The following GRIK2 variants were observed in gnomAD, a reference collection of about 807,000 sequenced individuals.
The protein encoded by GRIK2 is glutamate ionotropic receptor kainate type subunit 2.
GRIK2 carries 32 observed loss-of-function variants against 100.3 expected under a neutral mutation model. The observed-to-expected ratio is 0.32, with a 90% confidence interval of 0.24 to 0.43. GRIK2 has a LOEUF of 0.43. Among genes scored for constraint, GRIK2 ranks in the 20% least tolerant of loss-of-function variants. The probability of loss-of-function intolerance (pLI) is 1.00; values close to 1 mark genes in which losing one functional copy is unlikely to be tolerated. For synonymous variants in GRIK2, 417 were observed against 389.4 expected, an observed-to-expected ratio of 1.07 and a Z score of -0.83; for missense variants, 843 against 1,114.9, an observed-to-expected ratio of 0.76 and a Z score of 3.47.
intron 7 of GRIK2, among the ~76,000 whole-genome samples, chr6:101,786,790 T>G (rs995037847): frequency 5.9e-5 from 9 of 152,136 alleles, no homozygotes; most frequent in Non-Finnish European, 1.3e-4. Flanking sequence ...TTGTTGCTGT[T>G]GTGTCCTTGT....
At chr6:101,548,234 G>A (rs1167948108) in intron 2 of GRIK2, among the ~76,000 whole-genome samples, 2 of 152,112 alleles carry the variant, frequency 1.3e-5, no homozygotes, top group Non-Finnish European at 2.9e-5. Flanking sequence ...TTTATCAGAT[G>A]AGTAGATTGC....
intron 2 of GRIK2, among the ~76,000 whole-genome samples, chr6:101,604,655 T>C (rs1779365568): frequency 6.6e-6 from 1 of 151,904 alleles, no homozygotes; most frequent in Admixed American, 6.6e-5. Flanking sequence ...TTTGAAGGGC[T>C]GTTAGAAGAC....
At chr6:101,492,308 G>C (rs1041303142) in intron 2 of GRIK2, among the ~76,000 whole-genome samples, 1 of 151,480 alleles carries the variant, frequency 6.6e-6, no homozygotes, top group Non-Finnish European at 1.5e-5. Context: ...TCATCAATTG[G>C]GAATAAACCA....
intron 15 of GRIK2, among the ~76,000 whole-genome samples, chr6:102,052,860 G>A (rs1048927626): frequency 6.6e-6 from 1 of 152,030 alleles, no homozygotes; most frequent in African/African-American, 2.4e-5. Context: ...CAGGTGGATT[G>A]CTTGAGCTCA....
intron 5 of GRIK2, among the ~76,000 whole-genome samples, chr6:101,681,014 C>G (rs1771204092): frequency 6.6e-6 from 1 of 152,202 alleles, no homozygotes; most frequent in Non-Finnish European, 1.5e-5. Flanking sequence ...AAATTTTTCA[C>G]AAATATCTAT....
At chr6:101,851,340 G>C (rs1203803653) in intron 10 of GRIK2, among the ~76,000 whole-genome samples, 2 of 151,928 alleles carry the variant, frequency 1.3e-5, no homozygotes, top group Admixed American at 6.6e-5. Flanking sequence ...TTATATTGCT[G>C]TTTTCACTTA....
At chr6:101,865,728 A>C (rs1046874834) in intron 11 of GRIK2, among the ~76,000 whole-genome samples, 2 of 151,980 alleles carry the variant, frequency 1.3e-5, no homozygotes, top group African/African-American at 4.8e-5. Flanking sequence ...CTCTACTAAA[A>C]ATACAAAAAA....
chr6:101,401,419 CA>C (rs1443667181), intron 2 of GRIK2, among the ~76,000 whole-genome samples: 2 of 152,148 alleles, frequency 1.3e-5, no homozygotes, highest in African/African-American at 2.4e-5. Flanking sequence ...CACACACAAA[CA>C]AGCTTTCTTA....
intron 4 of GRIK2, among the ~76,000 whole-genome samples, chr6:101,666,402 T>C (rs79954209): frequency 0.025 from 3,855 of 152,310 alleles, 162 homozygotes; most frequent in African/African-American, 0.088. Flanking sequence ...GGTTTAATCA[T>C]GTAGACATGA....
At chr6:101,831,239 C>T (rs1217565370) in intron 10 of GRIK2, among the ~76,000 whole-genome samples, 2 of 151,648 alleles carry the variant, frequency 1.3e-5, no homozygotes, top group Non-Finnish European at 2.9e-5. Flanking sequence ...GATTTTTTTT[C>T]CAGACAATAA....
intron 14 of GRIK2, among the ~76,000 whole-genome samples, chr6:102,025,364 A>T (rs1769640714): frequency 6.6e-6 from 1 of 151,342 alleles, no homozygotes. Flanking sequence ...TATAAAGAGG[A>T]AATACATAAT....
chr6:101,580,621 A>G (rs982283765), intron 2 of GRIK2, among the ~76,000 whole-genome samples: 62 of 152,206 alleles, frequency 4.1e-4, no homozygotes, highest in African/African-American at 1.4e-3. Flanking sequence ...TTCTGGAAAA[A>G]GTCAAAATCC....
At chr6:101,803,561 A>T (rs1780805403) in intron 9 of GRIK2, among the ~76,000 whole-genome samples, 1 of 151,868 alleles carries the variant, frequency 6.6e-6, no homozygotes. Context: ...CACTCTCCAG[A>T]TGAGAAAATT....
intron 9 of GRIK2, among the ~76,000 whole-genome samples, chr6:101,806,760 G>C (rs906015733): frequency 6.6e-6 from 1 of 151,496 alleles, no homozygotes; most frequent in Admixed American, 6.6e-5. Flanking sequence ...ACTCATCCTG[G>C]TAGTATCATC....
At chr6:101,877,050 A>G (rs73496637) in intron 11 of GRIK2, among the ~76,000 whole-genome samples, 11,466 of 151,898 alleles carry the variant, frequency 0.075, 1,122 homozygotes, top group African/African-American at 0.23. Context: ...TATTCCCTCT[A>G]TACAAATTAT....
intron 2 of GRIK2, among the ~76,000 whole-genome samples, chr6:101,512,658 T>G (rs2128278607): frequency 6.6e-6 from 1 of 151,822 alleles, no homozygotes; most frequent in Admixed American, 6.6e-5. Context: ...CGACATTCTC[T>G]TCATAGTATT....
intron 10 of GRIK2, among the ~76,000 whole-genome samples, chr6:101,834,355 ATTTTC>A (rs1209227615): frequency 6.6e-6 from 1 of 151,074 alleles, no homozygotes; most frequent in African/African-American, 2.4e-5. Context: ...TTTTTTCAGC[ATTTTC>A]TTATTATTTT....
At chr6:101,851,179 G>A (rs1387580464) in intron 10 of GRIK2, among the ~76,000 whole-genome samples, 3 of 151,986 alleles carry the variant, frequency 2.0e-5, no homozygotes, top group Non-Finnish European at 4.4e-5. Flanking sequence ...TATCTAAGTA[G>A]GTTTTTTAAT....
At chr6:101,655,888 A>T (rs184036818) in intron 4 of GRIK2, among the ~76,000 whole-genome samples, 23 of 152,302 alleles carry the variant, frequency 1.5e-4, no homozygotes, top group Non-Finnish European at 2.9e-4. Context: ...TGTGGTATGC[A>T]TCAGCTTATT....
Sources: gnomAD v4.1 joint callset for allele counts (sites outside exome capture counted in the v4.1 genomes callset) on GRCh38, gnomAD v4.1.1 for gene constraint, MANE v1.5 for transcripts, NCBI Gene and HGNC (gene_info 2026-07-23, HGNC 2026-07-21) for gene names.